The following ABLIM1 variants were observed in gnomAD, a reference collection of about 807,000 sequenced individuals.
ABLIM1 encodes actin-binding LIM protein 1.
Under a neutral mutation model 107.0 loss-of-function variants are expected in ABLIM1, and 40 were observed. That is an observed-to-expected ratio of 0.37 (90% CI 0.29 to 0.49). ABLIM1 has a LOEUF of 0.49. Among genes scored for constraint, ABLIM1 ranks in the 20% least tolerant of loss-of-function variants. The pLI is 0.97. For synonymous variants in ABLIM1, 357 were observed against 357.3 expected (o/e 1.00, Z 0.01); for missense variants, 857 against 1,008.5 (o/e 0.85, Z 2.04).
At chr10:114,547,968 A>G (rs2067573721) in intron 4 of ABLIM1, among the ~76,000 whole-genome samples, 192 bp from the exon 5 acceptor site, 1 of 152,204 alleles carries the variant, frequency 6.6e-6, no homozygotes, top group Non-Finnish European at 1.5e-5. Flanking sequence ...CCTCGGAAGG[A>G]CACAGAACGG....
chr10:114,616,590 G>A (rs186507571), intron 1 of ABLIM1, among the ~76,000 whole-genome samples: 162 of 152,316 alleles, frequency 1.1e-3, no homozygotes, highest in Middle Eastern at 6.8e-3. Context: ...AGGTGACAAA[G>A]CGTTGTTCTA....
chr10:114,472,885 G>T, intron 10 of ABLIM1, 92 bp downstream of exon 10: 1 of 1,325,506 alleles, frequency 7.5e-7, no homozygotes, highest in Non-Finnish European at 1.0e-6. Context: ...AAGACCACCT[G>T]ATTTACCTGA....
At chr10:114,487,115 A>G (rs2134744212) in intron 8 of ABLIM1, among the ~76,000 whole-genome samples, 1 of 152,332 alleles carries the variant, frequency 6.6e-6, no homozygotes, top group East Asian at 1.9e-4. Flanking sequence ...GGGATTGCAT[A>G]CATAGCTTCT....
intron 21 of ABLIM1, among the ~76,000 whole-genome samples, chr10:114,438,787 AC>A (rs1413155847): frequency 6.6e-6 from 1 of 152,096 alleles, no homozygotes; most frequent in Admixed American, 6.5e-5. Flanking sequence ...GTGGCCAGTC[AC>A]CCCAGTGTAC....
At chr10:114,657,219 T>C (rs1043047642) in intron 1 of ABLIM1, among the ~76,000 whole-genome samples, 1 of 152,220 alleles carries the variant, frequency 6.6e-6, no homozygotes, top group Non-Finnish European at 1.5e-5. Context: ...CTTAACTTCA[T>C]ACATTCGTAG....
At chr10:114,575,688 C>T (rs2072432726) in intron 2 of ABLIM1, 89 bp from the exon 3 acceptor site, 2 of 891,740 alleles carry the variant, frequency 2.2e-6, no homozygotes, top group Non-Finnish European at 2.9e-6. Flanking sequence ...GTTGCTCACC[C>T]TGTGATCTCA....
chr10:114,652,215 T>C (rs1433008882), intron 1 of ABLIM1, among the ~76,000 whole-genome samples: 2 of 152,234 alleles, frequency 1.3e-5, no homozygotes, highest in African/African-American at 2.4e-5. Context: ...TTGAAGAATA[T>C]GCTGTCTTTT....
intron 1 of ABLIM1, among the ~76,000 whole-genome samples, chr10:114,727,078 C>T (rs1052688327): frequency 1.3e-5 from 2 of 152,192 alleles, no homozygotes; most frequent in African/African-American, 2.4e-5. Context: ...CCTTTACCTT[C>T]CTTTGGAAAT....
intron 1 of ABLIM1, chr10:114,632,526 T>C (rs2078255543): frequency 1.0e-6 from 1 of 985,308 alleles, no homozygotes. Flanking sequence ...TAATGGCAAT[T>C]TCAAGTTCAC....
chr10:114,788,610 C>A, the ABLIM1 span, among the ~76,000 whole-genome samples: 1 of 152,042 alleles, frequency 6.6e-6, no homozygotes, highest in African/African-American at 2.4e-5. Flanking sequence ...TGCCTGTAAT[C>A]CCAGCTACTA....
chr10:114,506,805 G>A (rs898024872), intron 6 of ABLIM1, among the ~76,000 whole-genome samples: 3 of 152,070 alleles, frequency 2.0e-5, no homozygotes, highest in African/African-American at 2.4e-5. Context: ...TTACTCTGTC[G>A]ATAGTTTCTT....
At chr10:114,769,419 G>GAAAGAAAGAAAGAAAGAAAGA (rs1591972858), upstream of ABLIM1, among the ~76,000 whole-genome samples, 1 of 7,856 alleles carries the variant, frequency 1.3e-4, no homozygotes, top group Admixed American at 1.2e-3. Context: ...AGAAAGAAAA[G>GAAAGAAAGAAAGAAAGAAAGA]AAGGAAAGAA....
intron 1 of ABLIM1, among the ~76,000 whole-genome samples, chr10:114,726,976 T>G (rs2081974405): frequency 6.6e-6 from 1 of 152,222 alleles, no homozygotes. Flanking sequence ...TGGTCTACCT[T>G]GCAGAAACAA....
At chr10:114,466,342 T>C (rs1318020083) in intron 11 of ABLIM1, among the ~76,000 whole-genome samples, 1 of 152,094 alleles carries the variant, frequency 6.6e-6, no homozygotes, top group Admixed American at 6.5e-5. Context: ...GATGAAAACA[T>C]ATAAACCTTA....
At chr10:114,473,839 A>G (rs375903623) in intron 9 of ABLIM1, 40 bp downstream of exon 9, 2 of 1,495,192 alleles carry the variant, frequency 1.3e-6, no homozygotes, top group Non-Finnish European at 1.9e-6. Context: ...CCACTAATTT[A>G]CCTGTCCCAG....
In ABLIM1 at chr10:114,519,556, G is replaced by C. The variant is rs139149144; in HGVS notation, c.894+25449C>G. Among the ~76,000 whole-genome samples, 504 of 152,286 alleles carry C rather than the reference G, an allele frequency of 3.3e-3. 2 individuals are homozygous for C. The highest frequency in any genetic ancestry group is 0.012 in the African/African-American group (481 of 41,552). On this transcript the variant is annotated intron_variant, in intron 6 of 22. Coordinates refer to ENST00000533213, the MANE Select transcript of ABLIM1 (RefSeq NM_002313.7). ...TTCCAATATCCTCATCACACAGACA[G>C]TTAAATTGCAAACCACAAGACATAT...
chr10:114,597,627 G>A (rs1177060329), intron 2 of ABLIM1, among the ~76,000 whole-genome samples: 1 of 152,104 alleles, frequency 6.6e-6, no homozygotes, highest in Non-Finnish European at 1.5e-5. Context: ...GAAAAGAAAA[G>A]AAAAGGCTCT....
intron 1 of ABLIM1, among the ~76,000 whole-genome samples, chr10:114,614,324 C>A (rs187284210): frequency 6.6e-6 from 1 of 152,032 alleles, no homozygotes; most frequent in Non-Finnish European, 1.5e-5. Flanking sequence ...TGATGGCACA[C>A]ACCAGTAATC....
chr10:114,550,386 TAA>T (rs67060352), intron 4 of ABLIM1, among the ~76,000 whole-genome samples: 1 of 151,492 alleles, frequency 6.6e-6, no homozygotes, highest in Admixed American at 6.6e-5. Flanking sequence ...TAGTTTTTTT[TAA>T]AAAAAAGACT....
Sources: gnomAD v4.1 joint callset for allele counts (sites outside exome capture counted in the v4.1 genomes callset) on GRCh38, gnomAD v4.1.1 for gene constraint, MANE v1.5 for transcripts, NCBI Gene and HGNC (gene_info 2026-07-23, HGNC 2026-07-21) for gene names.